The following FAM178B variants were observed in gnomAD, a reference collection of about 807,000 sequenced individuals.
The protein encoded by FAM178B is protein FAM178B.
FAM178B carries 82 observed loss-of-function variants against 91.7 expected under a neutral mutation model. The observed-to-expected ratio is 0.89, with a 90% CI of 0.75 to 1.07. The LOEUF is 1.07. FAM178B is among the 50% of genes least tolerant of loss of function. The probability of loss-of-function intolerance (pLI) is 0.00; values close to 1 mark genes in which losing one functional copy is unlikely to be tolerated. For missense variants in FAM178B, 769 were observed against 846.7 expected (o/e 0.91, Z 1.14); for synonymous variants, 368 against 359.4 (o/e 1.02, Z -0.27).
At chr2:96,922,894 G>A (rs1364957701) in intron 10 of FAM178B, among the ~76,000 whole-genome samples, 3 of 151,856 alleles carry the variant, frequency 2.0e-5, no homozygotes, top group Non-Finnish European at 4.4e-5. Context: ...GGCTGGTCTC[G>A]AACTCCTGAC....
intron 13 of FAM178B, among the ~76,000 whole-genome samples, chr2:96,896,827 C>T (rs979705622): frequency 3.3e-5 from 5 of 152,172 alleles, no homozygotes; most frequent in African/African-American, 9.7e-5. Context: ...GCTCCACACC[C>T]ACCTTCTCAG....
At chr2:96,879,736 G>T (rs2080333730) in intron 14 of FAM178B, among the ~76,000 whole-genome samples, 1 of 152,208 alleles carries the variant, frequency 6.6e-6, no homozygotes, top group Non-Finnish European at 1.5e-5. Flanking sequence ...AAGACACAGT[G>T]GGGGAAACCG....
At chr2:96,944,486 T>C (rs2081788592) in intron 8 of FAM178B, among the ~76,000 whole-genome samples, 1 of 152,134 alleles carries the variant, frequency 6.6e-6, no homozygotes, top group Admixed American at 6.5e-5. Context: ...GTATGTCCCA[T>C]CCTTTCCTTT....
At chr2:96,923,656 G>A (rs1295286803) in intron 9 of FAM178B, 73 bp from the exon 10 acceptor site, 1 of 1,096,784 alleles carries the variant, frequency 9.1e-7, no homozygotes, top group Non-Finnish European at 1.4e-6. Context: ...GGCGCAAAGT[G>A]GGACACTGCT....
intron 7 of FAM178B, chr2:96,949,937 CAGG>C (rs1049760465): frequency 1.7e-5 from 17 of 972,732 alleles, no homozygotes; most frequent in Non-Finnish European, 2.1e-5. Flanking sequence ...TGTAGCGACA[CAGG>C]AGTAGGTGGC....
chr2:96,904,017 G>T (rs1445975475), intron 12 of FAM178B, among the ~76,000 whole-genome samples: 1 of 152,108 alleles, frequency 6.6e-6, no homozygotes, highest in Non-Finnish European at 1.5e-5. Context: ...CCAGGTGCTG[G>T]TGGGGGCGCA....
intron 13 of FAM178B, among the ~76,000 whole-genome samples, chr2:96,900,373 C>T (rs534740532): frequency 1.4e-3 from 215 of 152,254 alleles, no homozygotes; most frequent in African/African-American, 5.0e-3. Context: ...CCCCATGCAC[C>T]CCGACGACCC....
At chr2:96,970,860 CT>C in intron 3 of FAM178B, 83 bp from the exon 4 acceptor site, 1 of 978,392 alleles carries the variant, frequency 1.0e-6, no homozygotes. Context: ...AAATTAAGCC[CT>C]TTATTTATTT....
intron 12 of FAM178B, among the ~76,000 whole-genome samples, chr2:96,905,376 G>A (rs926254989): frequency 6.6e-6 from 1 of 151,880 alleles, no homozygotes; most frequent in South Asian, 2.1e-4. Context: ...GGGCCAACAT[G>A]CTGAAACCCC....
At chr2:96,986,143 C>G (rs1477718537) in intron 1 of FAM178B, 98 bp downstream of exon 1, 2 of 1,516,354 alleles carry the variant, frequency 1.3e-6, no homozygotes, top group Non-Finnish European at 1.8e-6. Flanking sequence ...CCGGGGCTGA[C>G]CTGCAAGGCC....
intron 6 of FAM178B, among the ~76,000 whole-genome samples, chr2:96,957,717 A>G (rs2082020143): frequency 6.6e-6 from 1 of 152,232 alleles, no homozygotes; most frequent in Admixed American, 6.5e-5. Flanking sequence ...CTGCCCAGAC[A>G]TTCTTTGGCT....
intron 8 of FAM178B, among the ~76,000 whole-genome samples, chr2:96,933,322 T>TGAGTCTGC (rs1368333955): frequency 2.6e-5 from 4 of 152,206 alleles, no homozygotes; most frequent in African/African-American, 9.6e-5. Flanking sequence ...TAAGAGGCTG[T>TGAGTCTGC]GAGTCTGCAG....
chr2:96,883,575 C>T (rs1173811021), intron 14 of FAM178B, among the ~76,000 whole-genome samples: 4 of 152,196 alleles, frequency 2.6e-5, no homozygotes, highest in East Asian at 1.9e-4. Context: ...GAGGACCCTG[C>T]GGGAGCAGGT....
At chr2:96,902,844 T>G (rs1347517547) in intron 12 of FAM178B, 137 bp from the exon 13 acceptor site, 1 of 645,710 alleles carries the variant, frequency 1.5e-6, no homozygotes. Context: ...GCTTTCTCCA[T>G]TGGCTTACAG....
rs1179056549 is a variant in FAM178B at position 96,886,533 on chromosome 2, G to A, written c.1776+7393C>T. Among the ~76,000 whole-genome samples the A allele has an allele frequency of 5.9e-5, 9 of 152,242 alleles. No individual in the cohort carries two copies. The East Asian group carries it at 1.2e-3, about 20-fold the overall frequency. ...GGGAAGGCGCCAAGGGCCAGAGCCCGGAGGAGGAGGGTGTGACACTGAGGT... is the reference window on the plus strand; with the variant it reads ...GGGAAGGCGCCAAGGGCCAGAGCCCAGAGGAGGAGGGTGTGACACTGAGGT... On this transcript the variant is annotated intron_variant, in intron 14 of 16. Coordinates refer to ENST00000490605, the MANE Select transcript of FAM178B (RefSeq NM_001122646.3).
intron 6 of FAM178B, among the ~76,000 whole-genome samples, chr2:96,956,329 C>T (rs1223358077): frequency 6.6e-6 from 1 of 152,196 alleles, no homozygotes; most frequent in Admixed American, 6.5e-5. Flanking sequence ...GCACAGCTAG[C>T]TTGGTGATGG....
chr2:96,927,223 G>C (rs1380665218), intron 9 of FAM178B, among the ~76,000 whole-genome samples: 1 of 152,184 alleles, frequency 6.6e-6, no homozygotes, highest in Non-Finnish European at 1.5e-5. Context: ...AACCTACCCA[G>C]GCATTTTCGC....
At position 96,936,489 on chromosome 2, in the gene FAM178B, C is replaced by T. The variant is rs1390845397; in HGVS notation, c.1079-7169G>A. ...GTGCTGGATTACAGGCGTGAGCCAC[C>T]ACGCCCGGGTTTTTTTTTTTTGGTT... On this transcript the variant is annotated intron_variant, in intron 8 of 16. Transcript: ENST00000490605. Among the ~76,000 whole-genome samples the T allele has an allele frequency of 2.7e-5, 4 of 149,900 alleles. 1 individual carries two copies. Among genetic ancestry groups the T allele is most frequent in the East Asian group, 1.9e-4 (1 of 5,146 alleles).
intron 12 of FAM178B, among the ~76,000 whole-genome samples, chr2:96,905,867 T>A (rs1445692216): frequency 0.036 from 1,678 of 46,946 alleles, 100 homozygotes; most frequent in Middle Eastern, 0.056. Flanking sequence ...TATATTTTTT[T>A]TTTTTTTTTT....
Sources: gnomAD v4.1 joint callset for allele counts (sites outside exome capture counted in the v4.1 genomes callset) on GRCh38, gnomAD v4.1.1 for gene constraint, MANE v1.5 for transcripts, NCBI Gene and HGNC (gene_info 2026-07-23, HGNC 2026-07-21) for gene names.